The following SLC9A7 variants were observed in gnomAD, a reference collection of about 807,000 sequenced individuals.
SLC9A7 encodes the protein sodium/hydrogen exchanger 7.
A neutral mutation model predicts 52.6 loss-of-function variants in SLC9A7; 19 were observed. That is an observed-to-expected ratio of 0.36 (90% CI 0.25 to 0.53). The LOEUF (loss-of-function observed/expected upper bound fraction) is 0.53. Among genes scored for constraint, SLC9A7 ranks in the 20% least tolerant of loss-of-function variants. The pLI, the probability that SLC9A7 is intolerant of heterozygous loss-of-function variation, is 0.91. For missense variants in SLC9A7, 455 were observed against 597.9 expected (o/e 0.76, Z 2.49); for synonymous variants, 226 against 252.1 (o/e 0.90, Z 0.98).
intron 16 of SLC9A7, among the ~76,000 whole-genome samples, chrX:46,612,626 G>A (rs1942870467): frequency 9.0e-6 from 1 of 111,127 alleles, no homozygotes; most frequent in Non-Finnish European, 1.9e-5. Flanking sequence ...CCATTTTATA[G>A]ATTAGAAAAC....
chrX:46,716,955 C>T (rs752381507), intron 1 of SLC9A7, among the ~76,000 whole-genome samples: 2 of 111,891 alleles, frequency 1.8e-5, no homozygotes, highest in Non-Finnish European at 3.8e-5. Context: ...AAATCCTAGC[C>T]CTACTTCTCC....
At chrX:46,651,456 A>G (rs780966703) in intron 8 of SLC9A7, 52 bp from the exon 9 acceptor site, 15 of 859,991 alleles carry the variant, frequency 1.7e-5, no homozygotes, top group South Asian at 2.4e-5. Flanking sequence ...GAGGCAGGGG[A>G]AAAAAAAAAC....
chrX:46,648,609 C>T, intron 11 of SLC9A7, 77 bp downstream of exon 11: 1 of 770,561 alleles, frequency 1.3e-6, no homozygotes, highest in Non-Finnish European at 2.0e-6. Flanking sequence ...TTTTATGAAC[C>T]TTATCAATTA....
intron 5 of SLC9A7, among the ~76,000 whole-genome samples, chrX:46,664,583 A>G (rs887549369): frequency 9.0e-6 from 1 of 111,239 alleles, no homozygotes; most frequent in Admixed American, 9.6e-5. Flanking sequence ...TCAGTCCCCT[A>G]TATGTCCCAT....
At chrX:46,758,493 T>C (rs1009610648) in intron 1 of SLC9A7, among the ~76,000 whole-genome samples, 2 of 111,793 alleles carry the variant, frequency 1.8e-5, no homozygotes, top group African/African-American at 3.3e-5. Context: ...GGGTTCCCAA[T>C]GCAGAAACGT....
chrX:46,739,870 C>T lies in SLC9A7; in HGVS notation c.325+18835G>A, dbSNP rs778436512. 5.3e-3 allele frequency among the ~76,000 whole-genome samples: 596 copies of T among 111,774 alleles called. 4 individuals carry two copies. Among genetic ancestry groups the T allele is most frequent in the Non-Finnish European group, 7.7e-3 (409 of 53,167 alleles). ...TCTCTTCAGAGCCATCATAAACACT[C>T]AGCATAACACTGCCATTGAAAATAG... On this transcript the variant is annotated intron_variant, in intron 1 of 16. Coordinates refer to ENST00000616978, the MANE Select transcript of SLC9A7 (RefSeq NM_001257291.2).
chrX:46,642,225 T>C, intron 12 of SLC9A7, among the ~76,000 whole-genome samples: 1 of 112,947 alleles, frequency 8.9e-6, no homozygotes, highest in Non-Finnish European at 1.9e-5. Context: ...CTCCAAGCTA[T>C]GTACGCTCTG....
At chrX:46,683,959 T>A (rs1944252424) in intron 1 of SLC9A7, among the ~76,000 whole-genome samples, 1 of 112,196 alleles carries the variant, frequency 8.9e-6, no homozygotes. Context: ...AAGACATTGT[T>A]GAATAGCAAA....
At position 46,613,366 on chromosome X, in the gene SLC9A7, C is replaced by A. The variant is rs766619827; in HGVS notation, c.1852G>T (p.Gly618Cys). 1 of 1,202,985 alleles carries A rather than the reference C, an allele frequency of 8.3e-7. No homozygotes were observed. The highest frequency in any genetic ancestry group is 1.1e-6 in the Non-Finnish European group (1 of 890,934). ...NYLKPILTHSGPPLTTTLPAW... is the reference protein window; with the variant it reads ...NYLKPILTHSCPPLTTTLPAW... ...GGGAGCGTGGTGGTTAGTGGGGGAC[C>A]ACTGTGTGTGAGGATGGGCTTCAGG... Residue 618 changes from glycine (G) to cysteine (C), a missense_variant, in exon 16 of 17, where the codon GGT becomes TGT. Physicochemically the swap from Gly to Cys is radical, Grantham distance 159. Transcript: ENST00000616978.
In SLC9A7 at chrX:46,651,350, T is replaced by C. The variant is rs1943576889; in HGVS notation, c.1202A>G (p.Asn401Ser). Reference sequence around the variant, plus strand: ...TCGACTTCTTGATTCCACCGACAGATTGTTGTAGGTGTAATGAGCTTGTGT... The same window carrying C: ...TCGACTTCTTGATTCCACCGACAGACTGTTGTAGGTGTAATGAGCTTGTGT... ...GITQAHYTYN[N>S]LSVESRSRTK... The change falls in exon 9 of 17, where the codon AAT becomes AGT. Residue 401 changes from asparagine (N) to serine (S), a missense_variant. Asn to Ser is a conservative substitution (Grantham distance 46). Around this residue, in one of 3 missense-constraint regions of SLC9A7, gnomAD observed 304 missense variants for 417.8 expected, o/e 0.73. Coordinates refer to ENST00000616978, the MANE Select transcript of SLC9A7 (RefSeq NM_001257291.2). 1.7e-6 allele frequency: 2 copies of C among 1,206,297 alleles called. No individual in the cohort carries two copies. Among genetic ancestry groups the C allele is most frequent in the South Asian group, 1.8e-5 (1 of 56,594 alleles).
At chrX:46,730,670 T>TTTTATATATATATA in intron 1 of SLC9A7, among the ~76,000 whole-genome samples, 1 of 42,917 alleles carries the variant, frequency 2.3e-5, no homozygotes, top group South Asian at 1.3e-3. Flanking sequence ...AAAAAAAAAA[T>TTTTATATATATATA]TATATATATA....
At position 46,753,419 on chromosome X, in the gene SLC9A7, GAAT is replaced by G. The variant is rs1922380950; in HGVS notation, c.325+5283_325+5285del. Among the ~76,000 whole-genome samples, 3 of 111,765 alleles carry G rather than the reference GAAT, an allele frequency of 2.7e-5. No individual in the cohort carries two copies. In the East Asian group the frequency reaches 8.4e-4, roughly 31 times the overall value. On this transcript the variant is annotated intron_variant, in intron 1 of 16. Coordinates refer to ENST00000616978, the MANE Select transcript of SLC9A7 (RefSeq NM_001257291.2). ...TATATAGTTATTGAAAGATCAAATA[GAAT>G]AATACTATACATGATGTTCTGTGCC...
chrX:46,665,847 C>G (rs1308294165), intron 5 of SLC9A7, among the ~76,000 whole-genome samples: 1 of 110,228 alleles, frequency 9.1e-6, no homozygotes, highest in East Asian at 2.9e-4. Flanking sequence ...CCATGGGGTG[C>G]AAATGCATTT....
chrX:46,652,601 C>G (rs1943601424), intron 8 of SLC9A7, among the ~76,000 whole-genome samples: 1 of 112,151 alleles, frequency 8.9e-6, no homozygotes, highest in South Asian at 3.6e-4. Flanking sequence ...TACACATTTA[C>G]AGATAACTGT....
chrX:46,682,806 GTTTTT>G (rs902637363), intron 1 of SLC9A7, among the ~76,000 whole-genome samples: 2 of 108,662 alleles, frequency 1.8e-5, no homozygotes, highest in Admixed American at 9.9e-5. Flanking sequence ...GCACTTTTTT[GTTTTT>G]TGAGTGGAGT....
chrX:46,667,163 G>A (rs1378118219), intron 5 of SLC9A7, among the ~76,000 whole-genome samples: 1 of 111,579 alleles, frequency 9.0e-6, no homozygotes, highest in African/African-American at 3.3e-5. Context: ...AGCCTTAGGA[G>A]ATAGGTGCCA....
intron 1 of SLC9A7, among the ~76,000 whole-genome samples, chrX:46,749,443 G>T (rs892397129): frequency 9.0e-6 from 1 of 111,521 alleles, no homozygotes; most frequent in Non-Finnish European, 1.9e-5. Flanking sequence ...AGACATGAGA[G>T]CTGCACAGAC....
chrX:46,691,541 T>G (rs1365963998), intron 1 of SLC9A7, among the ~76,000 whole-genome samples: 2 of 111,988 alleles, frequency 1.8e-5, no homozygotes, highest in African/African-American at 6.5e-5. Context: ...TGGGCTGTTG[T>G]AAGAATGTAG....
chrX:46,647,869 T>C (rs762194853), intron 11 of SLC9A7, among the ~76,000 whole-genome samples: 1 of 112,933 alleles, frequency 8.9e-6, no homozygotes, highest in African/African-American at 3.2e-5. Flanking sequence ...TCATTCTCTG[T>C]CTTAAAGGAC....
Sources: allele counts gnomAD v4.1 joint callset (sites outside exome capture counted in the v4.1 genomes callset), GRCh38; gene constraint gnomAD v4.1.1; regional missense constraint gnomAD v4.1.1; transcripts MANE v1.5; gene names NCBI Gene and HGNC (gene_info 2026-07-23, HGNC 2026-07-21).